Variants in KIAA1217 observed in about 807,000 individuals in gnomAD.
The protein encoded by KIAA1217 is sickle tail protein homolog.
In KIAA1217, 88 loss-of-function variants were observed where a neutral mutation model predicts 163.9. The ratio of observed to expected loss-of-function variants is 0.54; its 90% CI spans 0.45 to 0.64. The LOEUF is 0.64. Ranked by LOEUF, KIAA1217 falls within the 30% of genes least tolerant of loss-of-function variation. The probability of loss-of-function intolerance (pLI) is 0.00; values close to 1 mark genes in which losing one functional copy is unlikely to be tolerated. For missense variants in KIAA1217, 2,372 were observed against 2,475.0 expected (o/e 0.96, Z 0.88); for synonymous variants, 903 against 923.1 (o/e 0.98, Z 0.39).
Position 24,360,040 on chromosome 10 carries a change from C to CATTTTTTTTTTT in KIAA1217, c.355-20829_355-20828insATTTTTTTTTTT, listed in dbSNP as rs55881849. On this transcript the variant is annotated intron_variant, in intron 2 of 20. Transcript: ENST00000376454. Reference sequence around the variant, plus strand: ...ACTGTGTATCTTTAGGATATAATTACTTTTTTTTTTTTTTTTTTTTTTTTG... The same window carrying CATTTTTTTTTTT: ...ACTGTGTATCTTTAGGATATAATTACATTTTTTTTTTTTTTTTTTTTTTTTTTTTTTTTTTTG... Among the ~76,000 whole-genome samples, 9 of 94,282 alleles carry CATTTTTTTTTTT rather than the reference C, an allele frequency of 9.5e-5. 1 individual carries two copies. The highest frequency in any genetic ancestry group is 1.1e-4 in the Non-Finnish European group (6 of 52,272). The allele number at this position is 94,282 out of a possible 152,430, so 61.9% of individuals were successfully genotyped here. A position where few individuals can be genotyped will look rare whatever the true frequency, so the allele number is the denominator to read the frequency against.
intron 2 of KIAA1217, among the ~76,000 whole-genome samples, chr10:24,194,346 A>G (rs534888601): frequency 5.8e-5 from 1 of 17,132 alleles, no homozygotes; most frequent in Non-Finnish European, 1.1e-4. Context: ...ACCCCACCCC[A>G]CCACTCCCCT....
At chr10:24,468,948 AT>A (rs1310241162) in intron 5 of KIAA1217, among the ~76,000 whole-genome samples, 1 of 152,028 alleles carries the variant, frequency 6.6e-6, no homozygotes, top group African/African-American at 2.4e-5. Flanking sequence ...TCTCCTAACC[AT>A]TTTTTGCATG....
chr10:24,382,238 C>G (rs371354173), intron 3 of KIAA1217, among the ~76,000 whole-genome samples: 17 of 152,094 alleles, frequency 1.1e-4, no homozygotes, highest in African/African-American at 3.9e-4. Flanking sequence ...GGAAAAGAGT[C>G]AACATGCAAA....
chr10:24,017,358 C>T (rs775620731), intron 2 of KIAA1217, among the ~76,000 whole-genome samples: 1 of 152,028 alleles, frequency 6.6e-6, no homozygotes, highest in Non-Finnish European at 1.5e-5. Flanking sequence ...CCGTGCCCAG[C>T]CAGAAATCAT....
intron 1 of KIAA1217, among the ~76,000 whole-genome samples, chr10:23,979,507 T>C (rs960015108): frequency 2.0e-5 from 3 of 152,276 alleles, no homozygotes; most frequent in Non-Finnish European, 4.4e-5. Context: ...GTTTTGTGTA[T>C]GTCATTCTTT....
intron 1 of KIAA1217, among the ~76,000 whole-genome samples, chr10:23,961,711 G>T (rs370349171): frequency 6.6e-6 from 1 of 152,146 alleles, no homozygotes; most frequent in African/African-American, 2.4e-5. Context: ...AAAAGTTGCC[G>T]TAACAAAGCA....
chr10:24,156,898 C>T lies in KIAA1217; in HGVS notation c.-170-62728C>T, dbSNP rs562539518. On this transcript the variant is annotated intron_variant, in intron 2 of 18. Transcript: ENST00000376462. ...TGGCCTCTTTGAGTGTCATGCTTCC[C>T]ATTTCTAGGAAACTGTGAGTAAAAC... Among the ~76,000 whole-genome samples, 10 of 152,280 alleles carry T rather than the reference C, an allele frequency of 6.6e-5. No homozygotes were observed. The East Asian group carries it at 1.9e-3, about 29-fold the overall frequency.
chr10:23,703,615 C>T (rs76849259), intron 1 of KIAA1217, among the ~76,000 whole-genome samples: 2,521 of 152,232 alleles, frequency 0.017, 59 homozygotes, highest in African/African-American at 0.057. Context: ...GTCTTAAAAA[C>T]TTAACAGTTG....
chr10:24,513,093 A>G (rs1176235260), intron 9 of KIAA1217, among the ~76,000 whole-genome samples, 166 bp from the exon 10 acceptor site: 6 of 152,248 alleles, frequency 3.9e-5, no homozygotes, highest in Non-Finnish European at 7.3e-5. Flanking sequence ...TTGGTGGAAG[A>G]AGCCACATTA....
intron 9 of KIAA1217, among the ~76,000 whole-genome samples, chr10:24,511,880 T>G (rs1592546105): frequency 6.6e-6 from 1 of 152,132 alleles, no homozygotes; most frequent in Admixed American, 6.5e-5. Context: ...CGTGTTCAGG[T>G]TTAGATTGGT....
chr10:24,284,175 T>C (rs1377368188), intron 2 of KIAA1217, among the ~76,000 whole-genome samples: 1 of 152,178 alleles, frequency 6.6e-6, no homozygotes, highest in Non-Finnish European at 1.5e-5. Flanking sequence ...CCTAAAGTGC[T>C]GGGATTATAG....
intron 2 of KIAA1217, among the ~76,000 whole-genome samples, chr10:24,177,736 G>C (rs2065978224): frequency 6.6e-6 from 1 of 152,044 alleles, no homozygotes; most frequent in African/African-American, 2.4e-5. Context: ...AATTGAAGGT[G>C]GTGGGGGAGG....
intron 1 of KIAA1217, among the ~76,000 whole-genome samples, chr10:23,702,614 T>C (rs552226725): frequency 6.6e-6 from 1 of 151,808 alleles, no homozygotes; most frequent in South Asian, 2.1e-4. Flanking sequence ...GGCATTTTTG[T>C]AAGTAATCTC....
intron 2 of KIAA1217, among the ~76,000 whole-genome samples, chr10:24,062,840 G>T (rs1191631242): frequency 6.6e-6 from 1 of 152,198 alleles, no homozygotes; most frequent in African/African-American, 2.4e-5. Context: ...TCTAATTGGT[G>T]TGAGATGGTA....
intron 2 of KIAA1217, among the ~76,000 whole-genome samples, chr10:24,340,382 T>C (rs1372392598): frequency 6.6e-6 from 1 of 152,140 alleles, no homozygotes; most frequent in African/African-American, 2.4e-5. Context: ...GTTAACCCTT[T>C]CACTTGCCTC....
At chr10:23,845,436 G>A (rs930569555) in intron 1 of KIAA1217, among the ~76,000 whole-genome samples, 4 of 152,182 alleles carry the variant, frequency 2.6e-5, no homozygotes, top group African/African-American at 9.6e-5. Context: ...ATTCTAACTG[G>A]CATGAGATGG....
intron 1 of KIAA1217, among the ~76,000 whole-genome samples, chr10:24,211,561 TATTGTATTGTATTGTATTG>T (rs1218419491): frequency 5.4e-5 from 7 of 129,768 alleles, no homozygotes; most frequent in African/African-American, 2.1e-4. Context: ...TATTGTATTG[TATTGTATTGTATTGTATTG>T]TATTGTATTG....
chr10:24,167,244 CACTT>C (rs1284834979), intron 2 of KIAA1217, among the ~76,000 whole-genome samples: 2 of 150,900 alleles, frequency 1.3e-5, no homozygotes, highest in African/African-American at 2.4e-5. Context: ...AACAAAATAA[CACTT>C]ACTTAGAAAT....
chr10:24,177,299 T>TATATATATATATATA lies in KIAA1217; in HGVS notation c.-170-42326_-170-42325insTATATATATATATAA, dbSNP rs1554894744. Among the ~76,000 whole-genome samples, 250 of 46,902 alleles carry TATATATATATATATA rather than the reference T, an allele frequency of 5.3e-3. 27 individuals are homozygous for TATATATATATATATA. The highest frequency in any genetic ancestry group is 6.0e-3 in the Non-Finnish European group (157 of 26,044). The allele number at this position is 46,902 out of a possible 152,430, so 30.8% of individuals were successfully genotyped here. A position where few individuals can be genotyped will look rare whatever the true frequency, so the allele number is the denominator to read the frequency against. On this transcript the variant is annotated intron_variant, in intron 2 of 18. Coordinates refer to the KIAA1217 transcript ENST00000376462. ...TATATATATATATATATATATATAT[T>TATATATATATATATA]ACAATTTCTTTGTCATATATATCAC...
Sources: allele counts gnomAD v4.1 joint callset (sites outside exome capture counted in the v4.1 genomes callset), GRCh38; gene constraint gnomAD v4.1.1; transcripts MANE v1.5; gene names NCBI Gene and HGNC (gene_info 2026-07-23, HGNC 2026-07-21).